Variants in DYSF observed in about 807,000 individuals in gnomAD.
DYSF encodes dysferlin, also known as dystrophy-associated fer-1-like 1.
Under a neutral mutation model 274.9 loss-of-function variants are expected in DYSF, and 212 were observed. That is an observed-to-expected ratio of 0.77 (90% CI 0.69 to 0.86). DYSF has a LOEUF of 0.86. Ranked by LOEUF, DYSF falls within the 40% of genes least tolerant of loss-of-function variation. DYSF has a pLI of 0.00. For synonymous variants in DYSF, 1,091 were observed against 1,078.7 expected, an observed-to-expected ratio of 1.01 and a Z score of -0.22; for missense variants, 2,666 against 2,783.2, an observed-to-expected ratio of 0.96 and a Z score of 0.95.
At chr2:71,583,687 A>G (rs1030329489) in intron 30 of DYSF, among the ~76,000 whole-genome samples, 2 of 152,214 alleles carry the variant, frequency 1.3e-5, no homozygotes, top group Non-Finnish European at 2.9e-5. Context: ...CAGAGGGCAC[A>G]GACACCCCGT....
chr2:71,609,840 C>T (rs1359828132), intron 36 of DYSF, among the ~76,000 whole-genome samples: 1 of 152,196 alleles, frequency 6.6e-6, no homozygotes, highest in African/African-American at 2.4e-5. Flanking sequence ...CTGCTCCCAC[C>T]ATCTATGGCA....
At chr2:71,548,002 G>C (rs527751686) in intron 17 of DYSF, among the ~76,000 whole-genome samples, 1 of 152,178 alleles carries the variant, frequency 6.6e-6, no homozygotes, top group Non-Finnish European at 1.5e-5. Flanking sequence ...TGCTCTCCTC[G>C]GGCCTGCAGC....
intron 30 of DYSF, among the ~76,000 whole-genome samples, chr2:71,586,428 G>T (rs1027260623): frequency 1.3e-5 from 2 of 152,090 alleles, no homozygotes; most frequent in African/African-American, 4.8e-5. Flanking sequence ...ACCAGGTGTG[G>T]TGTGGCTGGG....
intron 52 of DYSF, among the ~76,000 whole-genome samples, 165 bp downstream of exon 52, chr2:71,674,461 G>T (rs531782565): frequency 1.3e-5 from 2 of 152,362 alleles, no homozygotes. Flanking sequence ...GTTAAGTGAG[G>T]TGTATGACAC....
In DYSF at chr2:71,570,596, C is replaced by T. The variant is rs781636911; in HGVS notation, c.3086-3C>T. ...AATGAGTGACCGGTTCCCCCTCCCCCAGGCTGGGAGTATAGCATCACCATC... is the reference window on the plus strand; with the variant it reads ...AATGAGTGACCGGTTCCCCCTCCCCTAGGCTGGGAGTATAGCATCACCATC... On this transcript the variant is annotated splice_region_variant and splice_polypyrimidine_tract_variant and intron_variant, in intron 28 of 55. Coordinates refer to ENST00000410020, the MANE Select transcript of DYSF (RefSeq NM_001130987.2). The T allele has an allele frequency of 6.2e-7, 1 of 1,613,552 alleles. No homozygotes were observed. The highest frequency in any genetic ancestry group is 1.7e-5 in the Admixed American group (1 of 59,960).
chr2:71,589,823 C>A, intron 31 of DYSF, 137 bp downstream of exon 31: 1 of 873,112 alleles, frequency 1.1e-6, no homozygotes, highest in Non-Finnish European at 1.9e-6. Flanking sequence ...TGGGTCAGTG[C>A]TGTGTGTATG....
chr2:71,604,710 G>C (rs763424883), intron 36 of DYSF, among the ~76,000 whole-genome samples: 1 of 152,234 alleles, frequency 6.6e-6, no homozygotes, highest in Non-Finnish European at 1.5e-5. Context: ...CTTGTGGGAA[G>C]TGCCTTTCAG....
At chr2:71,481,010 T>C (rs954868810) in intron 2 of DYSF, 72 bp downstream of exon 2, 89 of 1,484,974 alleles carry the variant, frequency 6.0e-5, no homozygotes, top group Non-Finnish European at 7.9e-5. Context: ...GTTAGGGGGC[T>C]TGTGGAGGAG....
At chr2:71,534,969 C>G in intron 14 of DYSF, 52 bp from the exon 15 acceptor site, 2 of 1,598,300 alleles carry the variant, frequency 1.3e-6, no homozygotes, top group South Asian at 1.1e-5. Context: ...CCCGGGGGAG[C>G]CCAGAGTCCC....
chr2:71,650,973 A>G (rs2094647466), intron 42 of DYSF, among the ~76,000 whole-genome samples: 1 of 152,204 alleles, frequency 6.6e-6, no homozygotes, highest in Admixed American at 6.5e-5. Flanking sequence ...TAAAGATAAA[A>G]CTGTAATTAC....
intron 32 of DYSF, among the ~76,000 whole-genome samples, chr2:71,592,898 T>C (rs1226218842): frequency 6.6e-6 from 1 of 152,220 alleles, no homozygotes; most frequent in Non-Finnish European, 1.5e-5. Context: ...CAGAAAACAC[T>C]TGTTGAATAA....
rs2087112222 is a variant in DYSF at position 71,520,268 on chromosome 2, CACT to C, written c.1033+61_1033+63del. ...TTTGGTTCTGGAGGCTGATTGGGGA[CACT>C]CATTTGGGGTCCTCACTGTCCCTCC... On this transcript the variant is annotated intron_variant, in intron 11 of 55. Coordinates refer to ENST00000410020, the MANE Select transcript of DYSF (RefSeq NM_001130987.2). 2.5e-6 allele frequency: 4 copies of C among 1,578,468 alleles called. No individual in the cohort carries two copies. In the African/African-American group the frequency reaches 5.4e-5, roughly 21 times the overall value.
intron 3 of DYSF, among the ~76,000 whole-genome samples, chr2:71,489,808 G>A (rs1184157998): frequency 6.6e-6 from 1 of 152,194 alleles, no homozygotes; most frequent in Non-Finnish European, 1.5e-5. Context: ...ATGAGAATGA[G>A]GGTCAGGGGC....
At chr2:71,628,451 A>T (rs1245844122) in intron 41 of DYSF, among the ~76,000 whole-genome samples, 1 of 151,396 alleles carries the variant, frequency 6.6e-6, no homozygotes, top group Non-Finnish European at 1.5e-5. Flanking sequence ...CTTTTTCCTG[A>T]AGTAGGGCCT....
At position 71,615,341 on chromosome 2, in the gene DYSF, A is replaced by AGGGGCTGGGCCTCCCCTGGCCT. The variant is rs2093857662; in HGVS notation, c.4464+1935_4464+1956dup. 6.6e-6 allele frequency among the ~76,000 whole-genome samples: 1 copy of AGGGGCTGGGCCTCCCCTGGCCT among 151,770 alleles called. No homozygotes were observed. Among genetic ancestry groups the AGGGGCTGGGCCTCCCCTGGCCT allele is most frequent in the Non-Finnish European group, 1.5e-5 (1 of 67,912 alleles). ...CTCCTGGAGGTGTACCCACCTGGGG[A>AGGGGCTGGGCCTCCCCTGGCCT]GGGGCTGGGCCTCCCCTGGCCTGGG... On this transcript the variant is annotated intron_variant, in intron 40 of 55. Transcript: ENST00000410020. The surrounding 1 kb of genome is among the most constrained non-coding windows in gnomAD (Gnocchi z 4.9).
chr2:71,522,119 C>T (rs1021267006), intron 12 of DYSF, among the ~76,000 whole-genome samples: 9 of 151,940 alleles, frequency 5.9e-5, no homozygotes, highest in Non-Finnish European at 1.2e-4. Context: ...TCTCCTCTGC[C>T]TCCTTCTCCA....
intron 34 of DYSF, 53 bp from the exon 35 acceptor site, chr2:71,601,446 T>C (rs1553376983): frequency 6.2e-7 from 1 of 1,611,972 alleles, no homozygotes; most frequent in Non-Finnish European, 8.5e-7. Context: ...ATGAGGGTGA[T>C]GGGGGCCTTA....
In DYSF at chr2:71,645,658, C is replaced by T. The variant is rs190606967; in HGVS notation, c.4626+1595C>T. Among the ~76,000 whole-genome samples, 5 of 151,932 alleles carry T rather than the reference C, an allele frequency of 3.3e-5. No individual in the cohort carries two copies. The East Asian group carries it at 5.9e-4, about 18-fold the overall frequency. ...CCTCCCTAGGCCTGTGGCACAGGCC[C>T]GGGGGATGAAGCCCTCGCCAGGGAC... On this transcript the variant is annotated intron_variant, in intron 42 of 55. Transcript: ENST00000410020.
Position 71,630,511 on chromosome 2 carries a change from C to T in DYSF, c.4527+9902C>T, listed in dbSNP as rs144544083. Among the ~76,000 whole-genome samples, 133 of 152,324 alleles carry T rather than the reference C, an allele frequency of 8.7e-4. 1 individual carries two copies. The East Asian group carries it at 0.022, about 25-fold the overall frequency. ...CAGTTTTGGCTGAGTGAATCCTTAA[C>T]CTTGTGGGTTCAGACACCTGTTGGG... On this transcript the variant is annotated intron_variant, in intron 41 of 55. Transcript: ENST00000410020.
Sources: allele counts gnomAD v4.1 joint callset (sites outside exome capture counted in the v4.1 genomes callset), GRCh38; gene constraint gnomAD v4.1.1; non-coding constraint Gnocchi (gnomAD v3.1); transcripts MANE v1.5; gene names NCBI Gene and HGNC (gene_info 2026-07-23, HGNC 2026-07-21).